CACNA2D4: variants seen among roughly 807,000 people sequenced by gnomAD.
CACNA2D4 encodes the protein voltage-dependent calcium channel subunit alpha-2/delta-4.
In CACNA2D4, 157 loss-of-function variants were observed where a neutral mutation model predicts 163.8. The ratio of observed to expected loss-of-function variants is 0.96; its 90% CI spans 0.84 to 1.09. CACNA2D4 has a LOEUF of 1.09. Ranked by LOEUF, CACNA2D4 falls within the 50% of genes least tolerant of loss-of-function variation. The probability of loss-of-function intolerance (pLI) is 0.00; values close to 1 mark genes in which losing one functional copy is unlikely to be tolerated. For synonymous variants in CACNA2D4, 598 were observed against 586.9 expected, an observed-to-expected ratio of 1.02 and a Z score of -0.27; for missense variants, 1,410 against 1,479.9, an observed-to-expected ratio of 0.95 and a Z score of 0.78.
chr12:1,910,058 C>G, intron 3 of CACNA2D4, 93 bp from the exon 4 acceptor site: 1 of 990,790 alleles, frequency 1.0e-6, no homozygotes, highest in Non-Finnish European at 1.6e-6. Context: ...ACCCAGCAAT[C>G]CCACTCCTGG....
Position 1,885,060 on chromosome 12 carries a change from A to G in CACNA2D4, c.1085T>C (p.Val362Ala). Residue 362 changes from valine (V) to alanine (A), a missense_variant, in exon 10 of 38, where the codon GTG becomes GCG. Val to Ala is a moderately conservative substitution (Grantham distance 64). Coordinates refer to ENST00000382722, the MANE Select transcript of CACNA2D4 (RefSeq NM_172364.5). Reference protein sequence around the residue: ...RDNREHFKLLVEELMVKGVGV... With the variant: ...RDNREHFKLLAEELMVKGVGV... ...CACACCTTTGACCATCAACTCCTCC[A>G]CCAGCAGTTTGAAATGCTGCCATGG... 1 of 1,613,848 alleles carries G rather than the reference A, an allele frequency of 6.2e-7. No individual in the cohort carries two copies. The highest frequency in any genetic ancestry group is 8.5e-7 in the Non-Finnish European group (1 of 1,179,798).
rs541148706 is a variant in CACNA2D4, at chr12:1,825,198, G to A, written c.2552-13475C>T. Reference sequence around the variant, plus strand: ...GCCGCCTTCACCAGCCTGTTTGCTGGTTAACTCCTGGGCTCACAGTGTGGG... The same window carrying A: ...GCCGCCTTCACCAGCCTGTTTGCTGATTAACTCCTGGGCTCACAGTGTGGG... On this transcript the variant is annotated intron_variant, in intron 26 of 37. Transcript: ENST00000382722. 1.4e-4 allele frequency among the ~76,000 whole-genome samples: 21 copies of A among 152,336 alleles called. 1 individual carries two copies. The South Asian group carries it at 2.1e-3, about 15-fold the overall frequency.
intron 31 of CACNA2D4, chr12:1,800,777 C>T (rs927022757): frequency 1.7e-6 from 1 of 593,498 alleles, no homozygotes; most frequent in Non-Finnish European, 3.0e-6. Flanking sequence ...GAGGCTGGGG[C>T]AGGCTGCTCT....
chr12:1,884,093 G>A (rs1866072891), intron 12 of CACNA2D4, 150 bp downstream of exon 12: 1 of 593,588 alleles, frequency 1.7e-6, no homozygotes, highest in Non-Finnish European at 3.0e-6. Context: ...TTCCAAATAT[G>A]AAGGAGGGAC....
In CACNA2D4 at chr12:1,917,185, C is replaced by A. The variant is rs550287048; in HGVS notation, c.227+1062G>T. On this transcript the variant is annotated intron_variant, in intron 1 of 37. Transcript: ENST00000382722. This position sits in a 1 kb window ranked among gnomAD's most constrained non-coding sequence, Gnocchi z 4.3. ...TGAACTTGGGGAAGTCACCTGACCT[C>A]TCGGGGCCTCTGTTTCCTCAGCTGC... is the stretch of plus-strand genomic sequence containing the variant. Among the ~76,000 whole-genome samples the A allele has an allele frequency of 4.6e-5, 7 of 152,300 alleles. No individual in the cohort carries two copies. Among genetic ancestry groups the A allele is most frequent in the African/African-American group, 1.7e-4 (7 of 41,568 alleles).
At chr12:1,827,499 T>A (rs61909413) in intron 26 of CACNA2D4, 7,134 of 152,932 alleles carry the variant, frequency 0.047, 234 homozygotes, top group Non-Finnish European at 0.068. Context: ...TGCGTGGGCG[T>A]CGGTGGTGCA....
intron 26 of CACNA2D4, among the ~76,000 whole-genome samples, chr12:1,814,380 G>C (rs933563879): frequency 3.3e-5 from 5 of 152,160 alleles, no homozygotes; most frequent in Admixed American, 6.5e-5. Flanking sequence ...CTTGCCCCGG[G>C]TGTCCTTTGC....
At position 1,799,576 on chromosome 12, in the gene CACNA2D4, G is replaced by T. The variant is rs1373387624; in HGVS notation, c.2995+99C>A. ...ACCAGGAGAGCTCAGCCCTGCTTGGGGTCATTCCTGGGACAGGTCATGGAG... is the reference window on the plus strand; with the variant it reads ...ACCAGGAGAGCTCAGCCCTGCTTGGTGTCATTCCTGGGACAGGTCATGGAG... On this transcript the variant is annotated intron_variant, in intron 34 of 37. Coordinates refer to ENST00000382722, the MANE Select transcript of CACNA2D4 (RefSeq NM_172364.5). The surrounding 1 kb of genome is among the most constrained non-coding windows in gnomAD (Gnocchi z 4.7). 3.1e-6 allele frequency: 4 copies of T among 1,283,500 alleles called. No homozygotes were observed. Among genetic ancestry groups the T allele is most frequent in the South Asian group, 1.3e-5 (1 of 77,366 alleles). 79.5% of individuals were successfully genotyped at this position (1,283,500 alleles called of 1,614,324 possible).
intron 5 of CACNA2D4, 61 bp from the exon 6 acceptor site, chr12:1,907,632 C>A (rs1287474817): frequency 3.3e-6 from 5 of 1,511,748 alleles, no homozygotes. Context: ...GGTGATCATG[C>A]CCGGTGAGGG....
rs144269277 is a variant in CACNA2D4 at position 1,860,634 on chromosome 12, T to C, written c.1879-428A>G. The stretch of plus-strand genomic sequence containing the variant: ...TCCTAGAGGGTTGAGGTTGGGGCTG[T>C]CAGTGTGTGCTAAGAACTTCTGGAG... On this transcript the variant is annotated intron_variant, in intron 18 of 37. Coordinates refer to ENST00000382722, the MANE Select transcript of CACNA2D4 (RefSeq NM_172364.5). Among the ~76,000 whole-genome samples the C allele has an allele frequency of 2.6e-5, 4 of 152,268 alleles. No homozygotes were observed. In the East Asian group the frequency reaches 5.8e-4, roughly 22 times the overall value.
At position 1,799,619 on chromosome 12, in the gene CACNA2D4, T is replaced by A; in HGVS notation, c.2995+56A>T. The stretch of plus-strand genomic sequence containing the variant: ...TCATGGAGGGTGGGTTCTTTGTAGC[T>A]CCTGCTGCGTCCCCAACCCACCGCC... On this transcript the variant is annotated intron_variant, in intron 34 of 37. Coordinates refer to ENST00000382722, the MANE Select transcript of CACNA2D4 (RefSeq NM_172364.5). The surrounding 1 kb of genome is among the most constrained non-coding windows in gnomAD (Gnocchi z 4.7). 1 of 1,543,186 alleles carries A rather than the reference T, an allele frequency of 6.5e-7. No individual in the cohort carries two copies. Among genetic ancestry groups the A allele is most frequent in the Non-Finnish European group, 8.8e-7 (1 of 1,139,026 alleles).
At position 1,834,567 on chromosome 12, in the gene CACNA2D4, T is replaced by G. The variant is rs747763135; in HGVS notation, c.2551+6172A>C. On this transcript the variant is annotated intron_variant, in intron 26 of 37. Coordinates refer to ENST00000382722, the MANE Select transcript of CACNA2D4 (RefSeq NM_172364.5). The surrounding 1 kb of genome is among the most constrained non-coding windows in gnomAD (Gnocchi z 7.6). ...ATCATTGCAGGGGTCGTGTGCGGCGTCGTCTGCATCATGATGGTGGTGGCC... is the reference window on the plus strand; with the variant it reads ...ATCATTGCAGGGGTCGTGTGCGGCGGCGTCTGCATCATGATGGTGGTGGCC... 32 of 1,601,446 alleles carry G rather than the reference T, an allele frequency of 2.0e-5. 1 individual carries two copies. The highest frequency in any genetic ancestry group is 1.1e-4 in the East Asian group (5 of 44,880).
At position 1,844,592 on chromosome 12, in the gene CACNA2D4, T is replaced by C. The variant is rs1391146845; in HGVS notation, c.2343-63A>G. The C allele has an allele frequency of 1.1e-5, 17 of 1,554,944 alleles. No individual in the cohort carries two copies. In the African/African-American group the frequency reaches 1.8e-4, roughly 16 times the overall value. ...GTGAACACAGTCATCACTCTTTCCT[T>C]TTCTCACACAAGGTCAACTTGGCTG... is the stretch of plus-strand genomic sequence containing the variant. On this transcript the variant is annotated intron_variant, in intron 24 of 37. Coordinates refer to ENST00000382722, the MANE Select transcript of CACNA2D4 (RefSeq NM_172364.5). This position sits in a 1 kb window ranked among gnomAD's most constrained non-coding sequence, Gnocchi z 4.2.
intron 26 of CACNA2D4, among the ~76,000 whole-genome samples, chr12:1,837,099 G>T (rs1279186438): frequency 3.3e-5 from 5 of 152,248 alleles, no homozygotes; most frequent in Non-Finnish European, 2.9e-5. Flanking sequence ...GAGCTGGGGA[G>T]CCCGCCATGG....
rs1442816092 is a variant in CACNA2D4, at chr12:1,874,151, G to A, written c.1878+453C>T. ...TAGTAATGGGATTAGTGAGGGCATT[G>A]ATTCCTAACTATCTGGGAATGACAG... On this transcript the variant is annotated intron_variant, in intron 18 of 37. Coordinates refer to ENST00000382722, the MANE Select transcript of CACNA2D4 (RefSeq NM_172364.5). This position sits in a 1 kb window ranked among gnomAD's most constrained non-coding sequence, Gnocchi z 4.4. Among the ~76,000 whole-genome samples, 1 of 152,220 alleles carries A rather than the reference G, an allele frequency of 6.6e-6. No homozygotes were observed. Among genetic ancestry groups the A allele is most frequent in the African/African-American group, 2.4e-5 (1 of 41,458 alleles).
rs148994217 is a variant in CACNA2D4, at chr12:1,898,677, CTGTG to C, written c.781+8759_781+8762del. Among the ~76,000 whole-genome samples the C allele has an allele frequency of 5.4e-5, 8 of 149,394 alleles. No individual in the cohort carries two copies. The South Asian group carries it at 8.5e-4, about 16-fold the overall frequency. On this transcript the variant is annotated intron_variant, in intron 6 of 37. Transcript: ENST00000382722. Reference sequence around the variant, plus strand: ...TGCATCCTTTTACATTCCCACAACTCTGTGTGTGTGTGTGTGTGTGTGTATGTGT... The same window carrying C: ...TGCATCCTTTTACATTCCCACAACTCTGTGTGTGTGTGTGTGTGTATGTGT...
At position 1,799,901 on chromosome 12, in the gene CACNA2D4, T is replaced by TACCCCCACTGTCACCC; in HGVS notation, c.2974+98_2974+99insGGGTGACAGTGGGGGT. ...TGAACAACGATGCTTCAGGGTCACC[T>TACCCCCACTGTCACCC]ATCCCCACTGTCACCCACCCCACAG... On this transcript the variant is annotated intron_variant, in intron 33 of 37. Coordinates refer to ENST00000382722, the MANE Select transcript of CACNA2D4 (RefSeq NM_172364.5). This position sits in a 1 kb window ranked among gnomAD's most constrained non-coding sequence, Gnocchi z 4.7. The TACCCCCACTGTCACCC allele has an allele frequency of 7.3e-7, 1 of 1,367,426 alleles. No homozygotes were observed. The highest frequency in any genetic ancestry group is 1.0e-6 in the Non-Finnish European group (1 of 985,148). 84.7% of individuals were successfully genotyped at this position (1,367,426 alleles called of 1,614,324 possible). A position where few individuals can be genotyped will look rare whatever the true frequency, so the allele number is the denominator to read the frequency against.
rs753443034 is a variant in CACNA2D4, at chr12:1,793,791, C to T, written c.3310-32G>A. ...ACGCAGAGCAGAGGTGACAGCGCGG[C>T]GCTCAGAGGAGGACCCTCAAAAAGG... is the stretch of plus-strand genomic sequence containing the variant. On this transcript the variant is annotated intron_variant, in intron 37 of 37. Coordinates refer to ENST00000382722, the MANE Select transcript of CACNA2D4 (RefSeq NM_172364.5). 42 of 1,577,670 alleles carry T rather than the reference C, an allele frequency of 2.7e-5. 1 individual carries two copies. The South Asian group carries it at 2.7e-4, about 10-fold the overall frequency.
chr12:1,880,146 A>G (rs1865964036), intron 13 of CACNA2D4, among the ~76,000 whole-genome samples: 1 of 152,224 alleles, frequency 6.6e-6, no homozygotes, highest in Admixed American at 6.5e-5. Flanking sequence ...ACCCAGCCCC[A>G]AGCACATTCA....
Sources: gnomAD v4.1 joint callset for allele counts (sites outside exome capture counted in the v4.1 genomes callset) on GRCh38, gnomAD v4.1.1 for gene constraint, Gnocchi (gnomAD v3.1) non-coding constraint, MANE v1.5 for transcripts, NCBI Gene and HGNC (gene_info 2026-07-23, HGNC 2026-07-21) for gene names.